LANCL3: variants seen among roughly 807,000 people sequenced by gnomAD.
The protein encoded by LANCL3 is LanC like family member 3, also known as lanC-like protein 3.
Under a neutral mutation model 26.5 loss-of-function variants are expected in LANCL3, and 19 were observed. The observed-to-expected ratio is 0.72, with a 90% CI of 0.50 to 1.05. The LOEUF is 1.05. Among genes scored for constraint, LANCL3 ranks in the 50% least tolerant of loss-of-function variants. The pLI is 0.00. For synonymous variants in LANCL3, 160 were observed against 166.6 expected, an observed-to-expected ratio of 0.96 and a Z score of 0.30; for missense variants, 318 against 362.7, an observed-to-expected ratio of 0.88 and a Z score of 1.00.
intron 1 of LANCL3, among the ~76,000 whole-genome samples, chrX:37,646,366 C>T (rs1281906160): frequency 8.9e-6 from 1 of 112,271 alleles, no homozygotes; most frequent in East Asian, 2.8e-4. Context: ...CTCAAAGAAG[C>T]TCCTCCAAGT....
intron 1 of LANCL3, among the ~76,000 whole-genome samples, chrX:37,644,673 C>T (rs1340488853): frequency 1.8e-5 from 2 of 112,320 alleles, no homozygotes; most frequent in Non-Finnish European, 1.9e-5. Context: ...TCTCTATACT[C>T]GGGAGGTCTT....
intron 1 of LANCL3, among the ~76,000 whole-genome samples, chrX:37,614,833 C>T (rs1556421556): frequency 8.9e-6 from 1 of 112,207 alleles, no homozygotes; most frequent in Non-Finnish European, 1.9e-5. Context: ...TTTTTCCTGA[C>T]AACATTCAAC....
At position 37,632,732 on chromosome X, in the gene LANCL3, T is replaced by G. The variant is rs1175374068; in HGVS notation, c.574-22956T>G. Among the ~76,000 whole-genome samples the G allele has an allele frequency of 2.5e-4, 28 of 111,321 alleles. 1 individual carries two copies. Among genetic ancestry groups the G allele is most frequent in the Admixed American group, 1.6e-3 (17 of 10,459 alleles). ...TTATGAAGCTTAGTTTGGCTGGATA[T>G]GAAATTCTGGGTTGAAAATTCTTGT... is the stretch of plus-strand genomic sequence containing the variant. On this transcript the variant is annotated intron_variant, in intron 1 of 4. Transcript: ENST00000378619.
At chrX:37,632,614 G>A (rs1407877329) in intron 1 of LANCL3, among the ~76,000 whole-genome samples, 1 of 111,627 alleles carries the variant, frequency 9.0e-6, no homozygotes, top group East Asian at 2.8e-4. Context: ...TCCATGTTTA[G>A]TGCTTCCTTC....
chrX:37,628,168 G>A (rs958091477), intron 1 of LANCL3, among the ~76,000 whole-genome samples: 2 of 111,213 alleles, frequency 1.8e-5, no homozygotes, highest in African/African-American at 6.6e-5. Flanking sequence ...TTTAAAAGAG[G>A]GGGCACCAGT....
intron 1 of LANCL3, among the ~76,000 whole-genome samples, chrX:37,621,205 T>C (rs1378845830): frequency 8.9e-6 from 1 of 112,513 alleles, no homozygotes; most frequent in African/African-American, 3.2e-5. Flanking sequence ...CAGTTTGCAA[T>C]ATTTGTGTGT....
intron 1 of LANCL3, among the ~76,000 whole-genome samples, chrX:37,643,838 G>A (rs1329799341): frequency 2.7e-5 from 3 of 111,664 alleles, no homozygotes; most frequent in Non-Finnish European, 5.6e-5. Context: ...GACTTCAGAT[G>A]TCCCTTTTCA....
chrX:37,584,318 T>A (rs1463464070), intron 1 of LANCL3, among the ~76,000 whole-genome samples: 11 of 107,497 alleles, frequency 1.0e-4, no homozygotes, highest in African/African-American at 3.3e-4. Flanking sequence ...GGTGTCAGGA[T>A]GATGCTCGCC....
At chrX:37,660,431 CTG>C (rs1440374589) in intron 3 of LANCL3, among the ~76,000 whole-genome samples, 7 of 112,089 alleles carry the variant, frequency 6.2e-5, no homozygotes, top group African/African-American at 2.3e-4. Context: ...CCAGTAAACT[CTG>C]TGGAATTGAG....
chrX:37,669,898 G>A (rs1448744324), intron 4 of LANCL3, among the ~76,000 whole-genome samples: 1 of 111,914 alleles, frequency 8.9e-6, no homozygotes, highest in African/African-American at 3.2e-5. Context: ...CCACCTCCCC[G>A]CTATGTTTGC....
At position 37,668,257 on chromosome X, in the gene LANCL3, C is replaced by CTATATATATA. The variant is rs200578896; in HGVS notation, c.1103+778_1103+787dup. 4.0e-3 allele frequency: 542 copies of CTATATATATA among 136,461 alleles called. 5 individuals carry two copies. The highest frequency in any genetic ancestry group is 0.02 in the African/African-American group (513 of 26,270). The allele number at this position is 136,461 out of a possible 1,213,427, so 11.2% of individuals were successfully genotyped here. ...AATTTCTAGAAATGAAATTGCTGGA[C>CTATATATATA]TATATATATATATATATATCCTAGT... On this transcript the variant is annotated intron_variant, in intron 4 of 4. Transcript: ENST00000378619.
At position 37,671,520 on chromosome X, in the gene LANCL3, GA is replaced by G. The variant is rs782540770; in HGVS notation, c.1103+4032del. Among the ~76,000 whole-genome samples the G allele has an allele frequency of 2.7e-3, 297 of 111,251 alleles. 2 individuals carry two copies. Among genetic ancestry groups the G allele is most frequent in the Middle Eastern group, 9.2e-3 (2 of 218 alleles). ...TTCCTACGAATGAAAGGTCCTACAT[GA>G]TCTAGCCTCCCATTACCTCTCTAAT... On this transcript the variant is annotated intron_variant, in intron 4 of 4. Coordinates refer to ENST00000378619, the MANE Select transcript of LANCL3 (RefSeq NM_001170331.2).
intron 1 of LANCL3, 73 bp downstream of exon 1, chrX:37,572,516 G>A (rs1923630974): frequency 2.2e-6 from 2 of 899,071 alleles, no homozygotes; most frequent in African/African-American, 2.0e-5. Flanking sequence ...TCCGTGGCTC[G>A]GGCAGCACTG....
intron 1 of LANCL3, among the ~76,000 whole-genome samples, chrX:37,625,799 G>A (rs1925298829): frequency 9.0e-6 from 1 of 111,175 alleles, no homozygotes; most frequent in South Asian, 3.8e-4. Flanking sequence ...GTACAGAGGT[G>A]TTGTACTAGT....
At chrX:37,595,312 C>A (rs1556419397) in intron 1 of LANCL3, among the ~76,000 whole-genome samples, 1 of 112,002 alleles carries the variant, frequency 8.9e-6, no homozygotes, top group Non-Finnish European at 1.9e-5. Context: ...CAAATAACCC[C>A]CTTTGAGGCT....
intron 1 of LANCL3, among the ~76,000 whole-genome samples, chrX:37,607,103 G>T (rs1602105335): frequency 1.8e-5 from 2 of 112,409 alleles, no homozygotes; most frequent in African/African-American, 6.5e-5. Context: ...CCAGTGGCTG[G>T]TTTTGACATT....
At chrX:37,608,475 G>A (rs782202207) in intron 1 of LANCL3, among the ~76,000 whole-genome samples, 22 of 111,767 alleles carry the variant, frequency 2.0e-4, no homozygotes, top group Non-Finnish European at 3.4e-4. Context: ...GGATAGGAGG[G>A]ATAGGCGGGA....
At chrX:37,638,367 A>T (rs1925765520) in intron 1 of LANCL3, among the ~76,000 whole-genome samples, 1 of 111,594 alleles carries the variant, frequency 9.0e-6, no homozygotes, top group African/African-American at 3.3e-5. Flanking sequence ...TCTGGTCACC[A>T]AGCCCTGGCA....
chrX:37,629,270 C>A (rs1925409599), intron 1 of LANCL3, among the ~76,000 whole-genome samples: 1 of 106,532 alleles, frequency 9.4e-6, no homozygotes, highest in Non-Finnish European at 1.9e-5. Flanking sequence ...CTGTTCATGT[C>A]CTTCGCCCAC....
Sources: gnomAD v4.1 joint callset for allele counts (sites outside exome capture counted in the v4.1 genomes callset) on GRCh38, gnomAD v4.1.1 for gene constraint, MANE v1.5 for transcripts, NCBI Gene and HGNC (gene_info 2026-07-23, HGNC 2026-07-21) for gene names.